ATP8A2: variants seen among roughly 807,000 people sequenced by gnomAD.
ATP8A2 encodes ATPase phospholipid transporting 8A2.
Under a neutral mutation model 165.6 loss-of-function variants are expected in ATP8A2, and 100 were observed. The observed-to-expected ratio is 0.60, with a 90% CI of 0.51 to 0.71. The LOEUF (loss-of-function observed/expected upper bound fraction) is 0.71. Ranked by LOEUF, ATP8A2 falls within the 30% of genes least tolerant of loss-of-function variation. The probability of loss-of-function intolerance (pLI) is 0.00; values close to 1 mark genes in which losing one functional copy is unlikely to be tolerated. For missense variants in ATP8A2, 1,227 were observed against 1,479.5 expected, an observed-to-expected ratio of 0.83 and a Z score of 2.80; for synonymous variants, 543 against 548.8, an observed-to-expected ratio of 0.99 and a Z score of 0.15.
At chr13:25,821,676 A>G (rs1951185066) in intron 27 of ATP8A2, among the ~76,000 whole-genome samples, 1 of 152,176 alleles carries the variant, frequency 6.6e-6, no homozygotes, top group Admixed American at 6.5e-5. Context: ...TTATTTCTTT[A>G]GTCTAGGGTT....
chr13:25,863,469 C>T lies in ATP8A2; in HGVS notation c.3183+1061C>T, dbSNP rs116602619. On this transcript the variant is annotated intron_variant, in intron 33 of 36. Transcript: ENST00000381655. Reference sequence around the variant, plus strand: ...TGATGTTTGCACCGATGTTCCCGCCCACATTTGCAGGATGCTTGTGCAGGG... The same window carrying T: ...TGATGTTTGCACCGATGTTCCCGCCTACATTTGCAGGATGCTTGTGCAGGG... 500 of 152,354 alleles carry T rather than the reference C, an allele frequency of 3.3e-3. 2 individuals carry two copies. Among genetic ancestry groups the T allele is most frequent in the African/African-American group, 0.011 (462 of 41,560 alleles). 9.4% of individuals were successfully genotyped at this position (152,354 alleles called of 1,614,324 possible).
At chr13:25,716,600 G>T (rs756750642) in intron 25 of ATP8A2, among the ~76,000 whole-genome samples, 5 of 152,116 alleles carry the variant, frequency 3.3e-5, no homozygotes, top group Non-Finnish European at 7.4e-5. Flanking sequence ...AGTGGTCTTG[G>T]CCAGATGTAT....
chr13:25,583,713 T>C (rs1226812673), intron 23 of ATP8A2, among the ~76,000 whole-genome samples: 2 of 152,202 alleles, frequency 1.3e-5, no homozygotes, highest in East Asian at 3.8e-4. Context: ...CACAAATGGA[T>C]TATTACTCAA....
Position 25,942,163 on chromosome 13 carries a change from C to T in ATP8A2, c.3184-19412C>T, listed in dbSNP as rs1457344167. Among the ~76,000 whole-genome samples the T allele has an allele frequency of 3.3e-5, 5 of 151,996 alleles. No individual in the cohort carries two copies. In the South Asian group the frequency reaches 1.0e-3, roughly 32 times the overall value. ...AGCACATTCCTTTTAATGCTGTTTT[C>T]CATTATATAAATTTGCCAAATTTTT... On this transcript the variant is annotated intron_variant, in intron 33 of 36. Coordinates refer to ENST00000381655, the MANE Select transcript of ATP8A2 (RefSeq NM_016529.6).
At chr13:25,632,040 C>G (rs1025786057) in intron 24 of ATP8A2, among the ~76,000 whole-genome samples, 2 of 151,846 alleles carry the variant, frequency 1.3e-5, no homozygotes, top group Non-Finnish European at 1.5e-5. Flanking sequence ...CCTCATGGTT[C>G]GATTAATTTA....
At chr13:25,662,195 A>G (rs1180699575) in intron 24 of ATP8A2, among the ~76,000 whole-genome samples, 1 of 152,224 alleles carries the variant, frequency 6.6e-6, no homozygotes, top group African/African-American at 2.4e-5. Context: ...CTAGAAGAGT[A>G]CATAGCATAT....
chr13:25,843,073 A>G (rs1374174221), intron 30 of ATP8A2, among the ~76,000 whole-genome samples: 1 of 152,134 alleles, frequency 6.6e-6, no homozygotes, highest in Non-Finnish European at 1.5e-5. Context: ...GGGCACAGTG[A>G]ATATAGATAT....
chr13:25,481,170 G>A (rs1033158046), intron 2 of ATP8A2, among the ~76,000 whole-genome samples: 4 of 147,224 alleles, frequency 2.7e-5, no homozygotes, highest in African/African-American at 7.8e-5. Flanking sequence ...GGGAGACCGT[G>A]GGGAGAGGGA....
intron 30 of ATP8A2, among the ~76,000 whole-genome samples, chr13:25,847,948 G>T (rs1041148610): frequency 6.6e-6 from 1 of 152,126 alleles, no homozygotes; most frequent in Non-Finnish European, 1.5e-5. Context: ...CCAACAACTA[G>T]GGACCATCCT....
chr13:25,970,733 T>G (rs1038656989), intron 35 of ATP8A2, among the ~76,000 whole-genome samples: 2 of 152,166 alleles, frequency 1.3e-5, no homozygotes, highest in Non-Finnish European at 2.9e-5. Flanking sequence ...CATCTTCACT[T>G]TGGCAGGAGA....
chr13:25,715,208 T>A (rs983514836), intron 25 of ATP8A2, among the ~76,000 whole-genome samples: 3 of 152,132 alleles, frequency 2.0e-5, no homozygotes, highest in Admixed American at 6.6e-5. Context: ...AGGAGAAAAC[T>A]GGGGCCGAAT....
At chr13:25,976,731 G>A (rs949783841) in intron 35 of ATP8A2, among the ~76,000 whole-genome samples, 9 of 152,142 alleles carry the variant, frequency 5.9e-5, no homozygotes, top group South Asian at 4.2e-4. Flanking sequence ...CCAAACCAGC[G>A]GACAAATTCA....
chr13:25,716,348 T>C (rs922417398), intron 25 of ATP8A2, among the ~76,000 whole-genome samples: 2 of 152,076 alleles, frequency 1.3e-5, no homozygotes, highest in African/African-American at 4.8e-5. Flanking sequence ...GTTTATCTAC[T>C]TTTTTTTGTT....
At chr13:25,531,396 GATTATATATATGATTATATATATGATATA>G (rs2038092204) in intron 4 of ATP8A2, among the ~76,000 whole-genome samples, 1 of 69,546 alleles carries the variant, frequency 1.4e-5, no homozygotes, top group African/African-American at 1.1e-4. Flanking sequence ...ATATATATAT[GATTATATATATGATTATATATATGATATA>G]TATATGATTA....
At chr13:25,384,282 A>G (rs1347804150) in intron 1 of ATP8A2, among the ~76,000 whole-genome samples, 2 of 152,160 alleles carry the variant, frequency 1.3e-5, no homozygotes, top group Non-Finnish European at 2.9e-5. Flanking sequence ...TTTCAATACG[A>G]TGGTTTAAGT....
At chr13:25,639,382 G>A (rs1353963347) in intron 24 of ATP8A2, among the ~76,000 whole-genome samples, 2 of 152,112 alleles carry the variant, frequency 1.3e-5, no homozygotes, top group Non-Finnish European at 2.9e-5. Flanking sequence ...GACACACCTA[G>A]GCTCAAAATA....
chr13:25,990,339 A>G (rs1452939878), intron 35 of ATP8A2, among the ~76,000 whole-genome samples: 2 of 151,818 alleles, frequency 1.3e-5, no homozygotes, highest in African/African-American at 4.8e-5. Context: ...GACAGTACAC[A>G]CAAACTATGT....
At chr13:25,886,517 C>G (rs1295154281) in intron 33 of ATP8A2, among the ~76,000 whole-genome samples, 1 of 152,224 alleles carries the variant, frequency 6.6e-6, no homozygotes, top group Non-Finnish European at 1.5e-5. Flanking sequence ...AAACAGGTCA[C>G]TAATTCCAGG....
At chr13:25,477,896 C>T (rs1437604320) in intron 2 of ATP8A2, among the ~76,000 whole-genome samples, 1 of 152,148 alleles carries the variant, frequency 6.6e-6, no homozygotes, top group Non-Finnish European at 1.5e-5. Context: ...GAGATCGCAC[C>T]ATTGCACTCC....
Sources: allele counts gnomAD v4.1 joint callset (sites outside exome capture counted in the v4.1 genomes callset), GRCh38; gene constraint gnomAD v4.1.1; transcripts MANE v1.5; gene names NCBI Gene and HGNC (gene_info 2026-07-23, HGNC 2026-07-21).